The following ZNF28 variants were observed in gnomAD, a reference collection of about 807,000 sequenced individuals.
ZNF28 encodes zinc finger protein 28.
In ZNF28, 5 loss-of-function variants were observed where a neutral mutation model predicts 7.2. The observed-to-expected ratio is 0.70, with a 90% CI of 0.36 to 1.46. The LOEUF (loss-of-function observed/expected upper bound fraction) is 1.46. ZNF28 is among the 40% of genes most tolerant of loss of function. The probability of loss-of-function intolerance (pLI) is 0.03; values close to 1 mark genes in which losing one functional copy is unlikely to be tolerated. For synonymous variants in ZNF28, 288 were observed against 292.4 expected (o/e 0.99, Z 0.15); for missense variants, 879 against 866.6 (o/e 1.01, Z -0.18).
rs763155504 is a variant in ZNF28 at position 52,800,296 on chromosome 19, G to A, written c.1549C>T (p.His517Tyr). 9 of 1,606,992 alleles carry A rather than the reference G, an allele frequency of 5.6e-6. No homozygotes were observed. The South Asian group carries it at 7.7e-5, about 14-fold the overall frequency. The stretch of plus-strand genomic sequence containing the variant: ...CACATGTATGGTTTCTCTCCAGTAT[G>A]AACTCTCTGATGTTCTGTAAGGCAT... ...DSCLTEHQRV[H>Y]TGEKPYMCNE... The change falls in exon 4 of 4, where the codon CAT becomes TAT. Residue 517 changes from histidine to tyrosine, a missense_variant. By Grantham distance (83) the His-to-Tyr change is moderately conservative. Transcript: ENST00000457749.
At position 52,801,021 on chromosome 19, in the gene ZNF28, T is replaced by G. The variant is rs1469291369; in HGVS notation, c.824A>C (p.Glu275Ala). 6.2e-7 allele frequency: 1 copy of G among 1,614,082 alleles called. No homozygotes were observed. The highest frequency in any genetic ancestry group is 1.3e-5 in the African/African-American group (1 of 74,936). ...HIDEKPYKCNECGKIFGHNTS... is the reference protein window; with the variant it reads ...HIDEKPYKCNACGKIFGHNTS... Reference sequence around the variant, plus strand: ...ATTGTGACCAAAGATCTTGCCACACTCATTACACTTGTAAGGTTTCTCATC... The same window carrying G: ...ATTGTGACCAAAGATCTTGCCACACGCATTACACTTGTAAGGTTTCTCATC... The change falls in exon 4 of 4, where the codon GAG (glutamate) becomes GCG (alanine). Residue 275 changes from glutamate (E) to alanine (A), a missense_variant. Coordinates refer to ENST00000457749, the MANE Select transcript of ZNF28 (RefSeq NM_006969.5).
intron 1 of ZNF28, among the ~76,000 whole-genome samples, chr19:52,819,604 GA>G (rs2063170288): frequency 9.6e-6 from 1 of 103,662 alleles, no homozygotes; most frequent in Non-Finnish European, 2.0e-5. Flanking sequence ...CTCAGAGCTG[GA>G]AACATTTTCA....
chr19:52,816,059 C>T (rs1025860189), intron 2 of ZNF28, among the ~76,000 whole-genome samples: 4 of 147,200 alleles, frequency 2.7e-5, no homozygotes, highest in Admixed American at 2.0e-4. Flanking sequence ...ACAGCTAACA[C>T]AGAACTGACA....
At chr19:52,808,698 C>T (rs2062971211) in intron 2 of ZNF28, among the ~76,000 whole-genome samples, 1 of 151,660 alleles carries the variant, frequency 6.6e-6, no homozygotes, top group Non-Finnish European at 1.5e-5. Flanking sequence ...CCTGCGGTCC[C>T]AGCTACTTGG....
chr19:52,801,162 G>T lies in ZNF28; in HGVS notation c.683C>A (p.Ser228Ter). 1 of 1,613,956 alleles carries T rather than the reference G, an allele frequency of 6.2e-7. No individual in the cohort carries two copies. The highest frequency in any genetic ancestry group is 8.5e-7 in the Non-Finnish European group (1 of 1,179,980). Residue 228 changes from serine (S) to a stop codon, truncating the protein, a stop_gained, in exon 4 of 4, where the codon TCA becomes TAA. Coordinates refer to ENST00000457749, the MANE Select transcript of ZNF28 (RefSeq NM_006969.5). LOFTEE classifies it low-confidence loss of function (END_TRUNC). ...IESGKSFNCS[S>*]LLKKHQITHL... is the part of the protein sequence containing the mutation. ...GGTTATCTGATGTTTTTTTAAAAGT[G>T]AGCTACAATTAAAGGATTTGCCACT...
intron 2 of ZNF28, among the ~76,000 whole-genome samples, chr19:52,811,546 C>A (rs1181711730): frequency 1.4e-4 from 21 of 149,056 alleles, no homozygotes; most frequent in Non-Finnish European, 1.9e-4. Flanking sequence ...GCCCCACCGC[C>A]CTGTCTGGGA....
intron 3 of ZNF28, among the ~76,000 whole-genome samples, chr19:52,806,911 G>C (rs1446989315): frequency 6.6e-6 from 1 of 152,114 alleles, no homozygotes; most frequent in Non-Finnish European, 1.5e-5. Context: ...TAAAAAAAGA[G>C]AGAAAGAAAG....
In ZNF28 at chr19:52,810,735, A is replaced by G. The variant is rs2063010456; in HGVS notation, c.16-2602T>C. 3 of 699,188 alleles carry G rather than the reference A, an allele frequency of 4.3e-6. 1 individual carries two copies. The Admixed American group carries it at 6.8e-5, about 16-fold the overall frequency. The allele number at this position is 699,188 out of a possible 1,614,324, so 43.3% of individuals were successfully genotyped here. On this transcript the variant is annotated intron_variant, in intron 2 of 3. Transcript: ENST00000457749. The stretch of plus-strand genomic sequence containing the variant: ...AAAAATGTGTATTAGGAGAGAGAGG[A>G]AAAAAAGAGGAAAGAAGGGGAAAAA...
intron 1 of ZNF28, 130 bp downstream of exon 1, chr19:52,821,456 C>T (rs1408567390): frequency 1.3e-5 from 2 of 152,246 alleles, no homozygotes; most frequent in Admixed American, 1.3e-4. Flanking sequence ...CCCAGTAGAA[C>T]ATCTCCATTT....
intron 2 of ZNF28, 107 bp downstream of exon 2, chr19:52,817,837 A>C (rs1160705859): frequency 6.3e-7 from 1 of 1,579,862 alleles, no homozygotes; most frequent in Non-Finnish European, 8.6e-7. Flanking sequence ...GAGGGTGAGC[A>C]AACATATCAG....
intron 2 of ZNF28, among the ~76,000 whole-genome samples, chr19:52,811,898 GC>G (rs1277387953): frequency 1.6e-5 from 2 of 121,904 alleles, no homozygotes; most frequent in Non-Finnish European, 3.4e-5. Flanking sequence ...GGGGGGGACA[GC>G]CCCCCGCCCG....
At chr19:52,811,778 C>G (rs1447182436) in intron 2 of ZNF28, among the ~76,000 whole-genome samples, 1 of 148,952 alleles carries the variant, frequency 6.7e-6, no homozygotes, top group Non-Finnish European at 1.5e-5. Flanking sequence ...GTCAGCCCCC[C>G]GCCCGGCCAG....
At chr19:52,809,929 C>T in intron 2 of ZNF28, 1 of 862,474 alleles carries the variant, frequency 1.2e-6, no homozygotes, top group Non-Finnish European at 1.9e-6. Context: ...GGTGGGGAGG[C>T]CGGGGAGGTT....
chr19:52,818,892 A>AGG, intron 1 of ZNF28, among the ~76,000 whole-genome samples: 1 of 135,264 alleles, frequency 7.4e-6, no homozygotes, highest in African/African-American at 3.2e-5. Context: ...TGGGAAAAAA[A>AGG]AAAAAAAAAA....
chr19:52,817,782 G>C (rs1474053674), intron 2 of ZNF28, among the ~76,000 whole-genome samples, 162 bp downstream of exon 2: 1 of 152,102 alleles, frequency 6.6e-6, no homozygotes, highest in Non-Finnish European at 1.5e-5. Context: ...GGTCACCAGA[G>C]ATGGAATCTA....
rs775484211 is a variant in ZNF28, at chr19:52,801,287, G to A, written c.558C>T (p.Thr186=). The A allele has an allele frequency of 3.7e-6, 6 of 1,614,074 alleles. No individual in the cohort carries two copies. The highest frequency in any genetic ancestry group is 3.3e-5 in the South Asian group (3 of 91,074). Residue 186 remains threonine, a synonymous_variant, in exon 4 of 4, where the codon ACC becomes ACT. Coordinates refer to ENST00000457749, the MANE Select transcript of ZNF28 (RefSeq NM_006969.5). ...TATTTCCATACTTATTAGAAATATGGGTTTTGGGCCTACAACAAATTCTTT... is the reference window on the plus strand; with the variant it reads ...TATTTCCATACTTATTAGAAATATGAGTTTTGGGCCTACAACAAATTCTTT... ...TSQRICCRPK[T]HISNKYGNNS...
intron 1 of ZNF28, among the ~76,000 whole-genome samples, chr19:52,820,273 G>T (rs866525054): frequency 1.5e-5 from 2 of 136,552 alleles, no homozygotes; most frequent in African/African-American, 6.2e-5. Context: ...GCCCGCCACC[G>T]CGCCCGGCTA....
Position 52,798,812 on chromosome 19 carries a change from G to C in ZNF28, c.*876C>G. Reference sequence around the variant, plus strand: ...GATTCTCCAATGATTTGCAATGGTTGTAGCATTACTGAAAACTTTGTGACA... The same window carrying C: ...GATTCTCCAATGATTTGCAATGGTTCTAGCATTACTGAAAACTTTGTGACA... On this transcript the variant is annotated 3_prime_UTR_variant, in exon 4 of 4. Coordinates refer to ENST00000457749, the MANE Select transcript of ZNF28 (RefSeq NM_006969.5). The C allele has an allele frequency of 1.2e-6, 1 of 843,352 alleles. No homozygotes were observed. The highest frequency in any genetic ancestry group is 1.9e-6 in the Non-Finnish European group (1 of 531,592). 52.2% of individuals were successfully genotyped at this position (843,352 alleles called of 1,614,324 possible).
Position 52,799,407 on chromosome 19 carries a change from C to T in ZNF28, c.*281G>A, listed in dbSNP as rs1003048215. On this transcript the variant is annotated 3_prime_UTR_variant, in exon 4 of 4. Coordinates refer to ENST00000457749, the MANE Select transcript of ZNF28 (RefSeq NM_006969.5). ...ATGTGTTTCAAGGTTTGATTTGCAA[C>T]CGAAAACTTTGTCACATTCTTCCTA... 1 of 656,614 alleles carries T rather than the reference C, an allele frequency of 1.5e-6. No homozygotes were observed. The highest frequency in any genetic ancestry group is 2.7e-6 in the Non-Finnish European group (1 of 374,094). The allele number at this position is 656,614 out of a possible 1,614,324, so 40.7% of individuals were successfully genotyped here. A position where few individuals can be genotyped will look rare whatever the true frequency, so the allele number is the denominator to read the frequency against.
Sources: gnomAD v4.1 joint callset for allele counts (sites outside exome capture counted in the v4.1 genomes callset) on GRCh38, gnomAD v4.1.1 for gene constraint, MANE v1.5 for transcripts, NCBI Gene and HGNC (gene_info 2026-07-23, HGNC 2026-07-21) for gene names.